Variants in RIPPLY3 observed in about 807,000 individuals in gnomAD.
RIPPLY3 encodes the protein ripply transcriptional repressor 3.
In RIPPLY3, 8 loss-of-function variants were observed where a neutral mutation model predicts 11.9. The observed-to-expected ratio is 0.67, with a 90% CI of 0.40 to 1.21. The LOEUF is 1.21. Among genes scored for constraint, RIPPLY3 ranks in the 50% most tolerant of loss-of-function variants. The pLI is 0.01. For missense variants in RIPPLY3, 271 were observed against 246.0 expected, an observed-to-expected ratio of 1.10 and a Z score of -0.68; for synonymous variants, 102 against 99.0, an observed-to-expected ratio of 1.03 and a Z score of -0.18.
chr21:37,006,917 G>A lies in RIPPLY3; in HGVS notation c.104+41G>A. 1 of 1,110,724 alleles carries A rather than the reference G, an allele frequency of 9.0e-7. No homozygotes were observed. The highest frequency in any genetic ancestry group is 1.1e-6 in the Non-Finnish European group (1 of 881,858). The allele number at this position is 1,110,724 out of a possible 1,614,324, so 68.8% of individuals were successfully genotyped here. ...CGCCCCGGTGGACGCGCTGAGAGGC[G>A]TGCGCGGTGGCGGTGCGGGGAGCGC... On this transcript the variant is annotated intron_variant, in intron 1 of 3. Transcript: ENST00000329553. This position sits in a 1 kb window ranked among gnomAD's most constrained non-coding sequence, Gnocchi z 5.2.
rs1475148734 is a variant in RIPPLY3, at chr21:37,012,732, C to A, written c.172-819C>A. 4.6e-5 allele frequency among the ~76,000 whole-genome samples: 7 copies of A among 152,210 alleles called. No individual in the cohort carries two copies. The East Asian group carries it at 1.4e-3, about 29-fold the overall frequency. ...TCCAGTTCCTGTATCCAGAGTCAAA[C>A]CTAAACTCAACAGTGGGTATTCCAG... On this transcript the variant is annotated intron_variant, in intron 2 of 3. Transcript: ENST00000329553.
rs2069594230 is a variant in RIPPLY3 at position 37,017,877 on chromosome 21, C to A, written c.243C>A (p.Val81=). Residue 81 remains valine (V), a synonymous_variant, in exon 4 of 4, where the codon GTC becomes GTA. Coordinates refer to ENST00000329553, the MANE Select transcript of RIPPLY3 (RefSeq NM_018962.3). ...GAFGFQHPVR[V]YLPMSKRQEY... is the part of the protein sequence containing the mutation. Reference sequence around the variant, plus strand: ...ATATTTGTTTCTTAAATATTAGAGTCTATTTACCCATGTCAAAGCGTCAAG... The same window carrying A: ...ATATTTGTTTCTTAAATATTAGAGTATATTTACCCATGTCAAAGCGTCAAG... The A allele has an allele frequency of 1.2e-6, 2 of 1,608,860 alleles. No individual in the cohort carries two copies. Among genetic ancestry groups the A allele is most frequent in the Admixed American group, 1.7e-5 (1 of 59,522 alleles).
Position 37,006,766 on chromosome 21 carries a change from C to A in RIPPLY3, c.-7C>A. On this transcript the variant is annotated 5_prime_UTR_variant, in exon 1 of 4. Coordinates refer to ENST00000329553, the MANE Select transcript of RIPPLY3 (RefSeq NM_018962.3). The surrounding 1 kb of genome is among the most constrained non-coding windows in gnomAD (Gnocchi z 5.2). ...CCGCAGCAAGGGGCGCGGGCTCCGC[C>A]GGCACCATGGAGCCCGAAGCGGCGG... 1 of 1,229,268 alleles carries A rather than the reference C, an allele frequency of 8.1e-7. No homozygotes were observed. The highest frequency in any genetic ancestry group is 1.0e-6 in the Non-Finnish European group (1 of 985,830). The allele number at this position is 1,229,268 out of a possible 1,614,324, so 76.1% of individuals were successfully genotyped here. A position where few individuals can be genotyped will look rare whatever the true frequency, so the allele number is the denominator to read the frequency against.
intron 3 of RIPPLY3, among the ~76,000 whole-genome samples, chr21:37,017,580 T>C (rs1662612503): frequency 6.6e-6 from 1 of 152,186 alleles, no homozygotes. Flanking sequence ...GAACTCAGTG[T>C]TTTCAGTTGC....
In RIPPLY3 at chr21:37,008,762, A is replaced by C. The variant is rs986846819; in HGVS notation, c.171+539A>C. ...GACAGAGCAAGACTCATCTCAAAAA[A>C]AAAAAAAAAAAAAAAAAACCGTAGT... On this transcript the variant is annotated intron_variant, in intron 2 of 3. Transcript: ENST00000329553. Among the ~76,000 whole-genome samples, 7 of 151,438 alleles carry C rather than the reference A, an allele frequency of 4.6e-5. 1 individual carries two copies. The highest frequency in any genetic ancestry group is 8.9e-5 in the Non-Finnish European group (6 of 67,772).
Position 37,018,250 on chromosome 21 carries a change from C to A in RIPPLY3, c.*43C>A, listed in dbSNP as rs765222702. Reference sequence around the variant, plus strand: ...GGGCCCTGCTCTGGGACCTGCCCCTCACGTTCTCTTGGGGACACCCGAGCC... The same window carrying A: ...GGGCCCTGCTCTGGGACCTGCCCCTAACGTTCTCTTGGGGACACCCGAGCC... On this transcript the variant is annotated 3_prime_UTR_variant, in exon 4 of 4. Coordinates refer to ENST00000329553, the MANE Select transcript of RIPPLY3 (RefSeq NM_018962.3). The A allele has an allele frequency of 1.3e-4, 206 of 1,539,614 alleles. No homozygotes were observed. The highest frequency in any genetic ancestry group is 3.4e-5 in the Non-Finnish European group (38 of 1,114,866).
chr21:37,017,794 T>C (rs780791410), intron 3 of RIPPLY3, 80 bp from the exon 4 acceptor site: 12 of 1,174,194 alleles, frequency 1.0e-5, no homozygotes, highest in Admixed American at 2.6e-5. Context: ...GTTCTCTGCT[T>C]CTGGGAAAAA....
intron 2 of RIPPLY3, among the ~76,000 whole-genome samples, chr21:37,012,110 C>T (rs945515999): frequency 1.3e-5 from 2 of 151,496 alleles, no homozygotes; most frequent in Non-Finnish European, 2.9e-5. Flanking sequence ...CTTGTCAGGC[C>T]ATAGTAAGTT....
In RIPPLY3 at chr21:37,008,867, G is replaced by A. The variant is rs118079266; in HGVS notation, c.171+644G>A. Among the ~76,000 whole-genome samples, 141 of 152,054 alleles carry A rather than the reference G, an allele frequency of 9.3e-4. 1 individual carries two copies. The East Asian group carries it at 0.025, about 27-fold the overall frequency. Reference sequence around the variant, plus strand: ...CAACAGGTCGGGAGGGGAGGGGAGAGGCTGCCACTATCGCTTGCCTTGGAG... The same window carrying A: ...CAACAGGTCGGGAGGGGAGGGGAGAAGCTGCCACTATCGCTTGCCTTGGAG... On this transcript the variant is annotated intron_variant, in intron 2 of 3. Transcript: ENST00000329553.
At chr21:37,010,780 C>T (rs543885363) in intron 2 of RIPPLY3, among the ~76,000 whole-genome samples, 1 of 152,160 alleles carries the variant, frequency 6.6e-6, no homozygotes, top group African/African-American at 2.4e-5. Flanking sequence ...GTCAGAGACT[C>T]GAACGGGGAG....
chr21:37,011,929 C>CAAAAAAAA (rs59382996), intron 2 of RIPPLY3, among the ~76,000 whole-genome samples: 27 of 47,106 alleles, frequency 5.7e-4, no homozygotes, highest in African/African-American at 1.9e-3. Context: ...GACTCCGTCT[C>CAAAAAAAA]AAAAAAAAAA....
intron 3 of RIPPLY3, among the ~76,000 whole-genome samples, chr21:37,014,242 T>C (rs1235129291): frequency 6.6e-6 from 1 of 151,974 alleles, no homozygotes; most frequent in Non-Finnish European, 1.5e-5. Context: ...CGCTTGAATC[T>C]GGGAGGTGGA....
chr21:37,013,756 C>T (rs2146777342), intron 3 of RIPPLY3, 138 bp downstream of exon 3: 1 of 594,348 alleles, frequency 1.7e-6, no homozygotes, highest in Non-Finnish European at 2.9e-6. Flanking sequence ...GTTTAGTTTC[C>T]TTATACCAAG....
At position 37,008,163 on chromosome 21, in the gene RIPPLY3, G is replaced by A; in HGVS notation, c.111G>A (p.Ala37=). Residue 37 remains alanine (A), a synonymous_variant, in exon 2 of 4, where the codon GCG becomes GCA. Coordinates refer to ENST00000329553, the MANE Select transcript of RIPPLY3 (RefSeq NM_018962.3). ...PPPPRGPESP[A]PWRPWIQTPG... ...CTGGCGCTTGCCGTTCCAGCCCCGC[G>A]CCGTGGCGACCTTGGATCCAGACAC... 2 of 1,614,126 alleles carry A rather than the reference G, an allele frequency of 1.2e-6. No individual in the cohort carries two copies. Among genetic ancestry groups the A allele is most frequent in the Non-Finnish European group, 1.7e-6 (2 of 1,180,014 alleles).
chr21:37,007,081 G>T (rs1397533168), intron 1 of RIPPLY3, among the ~76,000 whole-genome samples: 1 of 152,276 alleles, frequency 6.6e-6, no homozygotes, highest in Non-Finnish European at 1.5e-5. Context: ...CCAACGCACA[G>T]CTCTGAAGTG....
intron 2 of RIPPLY3, among the ~76,000 whole-genome samples, chr21:37,008,844 A>G (rs1343386130): frequency 1.3e-5 from 2 of 151,812 alleles, no homozygotes; most frequent in African/African-American, 4.8e-5. Flanking sequence ...CTGCAAAGCA[A>G]CAGGTCGGGA....
At chr21:37,014,922 C>T (rs1252026673) in intron 3 of RIPPLY3, among the ~76,000 whole-genome samples, 1 of 152,190 alleles carries the variant, frequency 6.6e-6, no homozygotes, top group African/African-American at 2.4e-5. Context: ...GAGACAAGGT[C>T]TCACTATATT....
At position 37,017,946 on chromosome 21, in the gene RIPPLY3, A is replaced by T. The variant is rs1339667866; in HGVS notation, c.312A>T (p.Pro104=). Residue 104 remains proline (P), a synonymous_variant, in exon 4 of 4, where the codon CCA becomes CCT. Transcript: ENST00000329553. The stretch of plus-strand genomic sequence containing the variant: ...GGGAGCAAGTACTGGCCAGTTTCCC[A>T]GTGCAAGCCACGATTGACTTCTACG... The part of the protein sequence containing the change: ...SSGEQVLASF[P]VQATIDFYDD... 6.2e-7 allele frequency: 1 copy of T among 1,614,064 alleles called. No homozygotes were observed. The highest frequency in any genetic ancestry group is 8.5e-7 in the Non-Finnish European group (1 of 1,180,046).
chr21:37,014,540 CTCTG>C (rs1281828345), intron 3 of RIPPLY3, among the ~76,000 whole-genome samples: 7 of 152,222 alleles, frequency 4.6e-5, no homozygotes, highest in Middle Eastern at 3.4e-3. Flanking sequence ...CTCTCTTTTT[CTCTG>C]TCTGTCTCGC....
Sources: gnomAD v4.1 joint callset for allele counts (sites outside exome capture counted in the v4.1 genomes callset) on GRCh38, gnomAD v4.1.1 for gene constraint, Gnocchi (gnomAD v3.1) non-coding constraint, MANE v1.5 for transcripts, NCBI Gene and HGNC (gene_info 2026-07-23, HGNC 2026-07-21) for gene names.